PCDHGB3: variants seen among roughly 807,000 people sequenced by gnomAD.
PCDHGB3 encodes the protein protocadherin gamma subfamily B, 3.
In PCDHGB3, 40 loss-of-function variants were observed where a neutral mutation model predicts 59.2. That is an observed-to-expected ratio of 0.68 (90% CI 0.52 to 0.88). The LOEUF (loss-of-function observed/expected upper bound fraction) is 0.88. PCDHGB3 is among the 40% of genes least tolerant of loss of function. PCDHGB3 has a pLI of 0.00. For missense variants in PCDHGB3, 1,309 were observed against 1,187.9 expected (o/e 1.10, Z -1.50); for synonymous variants, 581 against 503.6 (o/e 1.15, Z -2.06).
chr5:141,398,931 C>T, intron 1 of PCDHGB3: 2 of 1,613,956 alleles, frequency 1.2e-6, no homozygotes, highest in East Asian at 4.5e-5. Context: ...CAGCCACTGA[C>T]CAAGACGAGG....
intron 1 of PCDHGB3, chr5:141,420,545 A>G: frequency 3.5e-6 from 1 of 289,066 alleles, no homozygotes; most frequent in Non-Finnish European, 6.2e-6. Flanking sequence ...TATAAAATAC[A>G]GGTATATTTT....
chr5:141,430,939 G>A, intron 1 of PCDHGB3: 1 of 1,607,854 alleles, frequency 6.2e-7, no homozygotes, highest in South Asian at 1.1e-5. Flanking sequence ...GGGAGCTCGC[G>A]GAGCGCGGAG....
At chr5:141,452,370 G>A (rs2098739834) in intron 1 of PCDHGB3, among the ~76,000 whole-genome samples, 1 of 152,136 alleles carries the variant, frequency 6.6e-6, no homozygotes, top group Non-Finnish European at 1.5e-5. Flanking sequence ...CTTCATTTTA[G>A]TAGGGAATAG....
intron 1 of PCDHGB3, chr5:141,390,888 G>A (rs1420100403): frequency 6.7e-6 from 1 of 149,538 alleles, no homozygotes; most frequent in African/African-American, 2.4e-5. Context: ...GTGTGTGTGT[G>A]AGAGAGATCC....
Position 141,476,380 on chromosome 5 carries a change from G to C in PCDHGB3, c.2416-18427G>C. 1 of 1,614,154 alleles carries C rather than the reference G, an allele frequency of 6.2e-7. No homozygotes were observed. The highest frequency in any genetic ancestry group is 8.5e-7 in the Non-Finnish European group (1 of 1,180,042). On this transcript the variant is annotated intron_variant, in intron 1 of 3. Coordinates refer to ENST00000576222, the MANE Select transcript of PCDHGB3 (RefSeq NM_018924.5). The surrounding 1 kb of genome is among the most constrained non-coding windows in gnomAD (Gnocchi z 7.6). ...ACCGGGAGACCGGAGAGATGTTTGT[G>C]AACGACCGTCTGGATCGAGAGGAGC... is the stretch of plus-strand genomic sequence containing the variant.
intron 3 of PCDHGB3, among the ~76,000 whole-genome samples, chr5:141,506,485 A>C (rs2154593953): frequency 6.6e-6 from 1 of 150,572 alleles, no homozygotes; most frequent in East Asian, 2.0e-4. Flanking sequence ...CTTTAGAGGC[A>C]GGCCAATCTG....
rs1316631653 is a variant in PCDHGB3 at position 141,388,751 on chromosome 5, A to G, written c.2415+15942A>G. The G allele has an allele frequency of 4.3e-6, 7 of 1,613,980 alleles. No homozygotes were observed. In the Admixed American group the frequency reaches 5.0e-5, roughly 12 times the overall value. ...TCAGTGAAGCTAGCCAGATCACCCAATTTGACCTGAACTCTAACACCGGGG... is the reference window on the plus strand; with the variant it reads ...TCAGTGAAGCTAGCCAGATCACCCAGTTTGACCTGAACTCTAACACCGGGG... On this transcript the variant is annotated intron_variant, in intron 1 of 3. Coordinates refer to ENST00000576222, the MANE Select transcript of PCDHGB3 (RefSeq NM_018924.5).
At chr5:141,454,123 C>CT (rs1273558932) in intron 1 of PCDHGB3, among the ~76,000 whole-genome samples, 5 of 152,194 alleles carry the variant, frequency 3.3e-5, no homozygotes, top group Non-Finnish European at 7.3e-5. Flanking sequence ...GAAGAAATAG[C>CT]TGACCATGGG....
rs1035125527 is a variant in PCDHGB3, at chr5:141,485,059, C to T, written c.2416-9748C>T. The T allele has an allele frequency of 7.0e-6, 6 of 858,958 alleles. No homozygotes were observed. The highest frequency in any genetic ancestry group is 2.4e-5 in the East Asian group (1 of 40,854). 53.2% of individuals were successfully genotyped at this position (858,958 alleles called of 1,614,324 possible). A position where few individuals can be genotyped will look rare whatever the true frequency, so the allele number is the denominator to read the frequency against. ...AACCCTTGCGGCGCCGGCCGAACCG[C>T]GCCAGAGCTGGCGCGGGGAAAGGGA... On this transcript the variant is annotated intron_variant, in intron 1 of 3. Coordinates refer to ENST00000576222, the MANE Select transcript of PCDHGB3 (RefSeq NM_018924.5). This position sits in a 1 kb window ranked among gnomAD's most constrained non-coding sequence, Gnocchi z 5.7.
intron 1 of PCDHGB3, among the ~76,000 whole-genome samples, chr5:141,459,014 T>C (rs1429233660): frequency 6.6e-6 from 1 of 152,240 alleles, no homozygotes; most frequent in East Asian, 1.9e-4. Context: ...ATTACAGGCA[T>C]GAGCCACCAC....
At chr5:141,488,260 G>A (rs1297588710) in intron 1 of PCDHGB3, among the ~76,000 whole-genome samples, 2 of 152,182 alleles carry the variant, frequency 1.3e-5, no homozygotes, top group Non-Finnish European at 1.5e-5. Context: ...AGGTTGGGGC[G>A]GGTTGGTCAT....
chr5:141,374,896 A>T (rs1038384205), intron 1 of PCDHGB3: 1 of 1,613,804 alleles, frequency 6.2e-7, no homozygotes, highest in Non-Finnish European at 8.5e-7. Flanking sequence ...ACCAGGATGA[A>T]GGAGTCCACG....
intron 1 of PCDHGB3, among the ~76,000 whole-genome samples, chr5:141,401,154 C>A (rs753624238): frequency 6.6e-5 from 10 of 152,086 alleles, no homozygotes; most frequent in Non-Finnish European, 1.5e-4. Context: ...CCAGCCTGGG[C>A]AATATGGTGA....
At chr5:141,410,583 G>A (rs1257322419) in intron 1 of PCDHGB3, 1 of 1,610,052 alleles carries the variant, frequency 6.2e-7, no homozygotes, top group African/African-American at 1.3e-5. Context: ...CCTCATGGTG[G>A]GGAGGATTTG....
Position 141,432,442 on chromosome 5 carries a change from G to A in PCDHGB3, c.2415+59633G>A. 1 of 1,614,228 alleles carries A rather than the reference G, an allele frequency of 6.2e-7. No individual in the cohort carries two copies. Among genetic ancestry groups the A allele is most frequent in the Non-Finnish European group, 8.5e-7 (1 of 1,180,042 alleles). On this transcript the variant is annotated intron_variant, in intron 1 of 3. Transcript: ENST00000576222. The surrounding 1 kb of genome is among the most constrained non-coding windows in gnomAD (Gnocchi z 6.0). ...TGGACCAGAACGACAATGCGCCCGA[G>A]ATCCTGTACCCCGCCCTCCCCACGG...
chr5:141,499,677 T>C (rs2099793326), intron 2 of PCDHGB3, among the ~76,000 whole-genome samples: 1 of 151,690 alleles, frequency 6.6e-6, no homozygotes, highest in African/African-American at 2.4e-5. Flanking sequence ...CTCCACCATC[T>C]TTAACAGATG....
chr5:141,372,338 T>A lies in PCDHGB3; in HGVS notation c.1944T>A (p.Asp648Glu). The A allele has an allele frequency of 6.2e-7, 1 of 1,613,820 alleles. No individual in the cohort carries two copies. Among genetic ancestry groups the A allele is most frequent in the South Asian group, 1.1e-5 (1 of 91,090 alleles). ...ARQRLLVTVR[D>E]GGQQPLSATV... ...AGCGCCTGCTGGTCACTGTGCGTGA[T>A]GGAGGACAGCAGCCTCTTTCAGCCA... is the stretch of plus-strand genomic sequence containing the variant. Residue 648 changes from aspartate (D) to glutamate (E), a missense_variant, in exon 1 of 4, where the codon GAT becomes GAA. Physicochemically the swap from Asp to Glu is conservative, Grantham distance 45. Coordinates refer to ENST00000576222, the MANE Select transcript of PCDHGB3 (RefSeq NM_018924.5).
Position 141,490,509 on chromosome 5 carries a change from G to A in PCDHGB3, c.2416-4298G>A. 6.2e-7 allele frequency: 1 copy of A among 1,614,072 alleles called. No individual in the cohort carries two copies. On this transcript the variant is annotated intron_variant, in intron 1 of 3. Transcript: ENST00000576222. The surrounding 1 kb of genome is among the most constrained non-coding windows in gnomAD (Gnocchi z 5.4). ...AGGCCACATCCCACTATATCATCGA[G>A]CTGCTGGCCAGCGATGCTGGTTCAC...
intron 1 of PCDHGB3, chr5:141,415,759 T>TTG (rs2095938229): frequency 3.7e-6 from 5 of 1,352,054 alleles, no homozygotes; most frequent in Non-Finnish European, 4.8e-6. Flanking sequence ...TTTTTTTTTT[T>TTG]TTTTTTTTTT....
Sources: gnomAD v4.1 joint callset for allele counts (sites outside exome capture counted in the v4.1 genomes callset) on GRCh38, gnomAD v4.1.1 for gene constraint, Gnocchi (gnomAD v3.1) non-coding constraint, MANE v1.5 for transcripts, NCBI Gene and HGNC (gene_info 2026-07-23, HGNC 2026-07-21) for gene names.